The following EFCAB7 variants were observed in gnomAD, a reference collection of about 807,000 sequenced individuals.
EFCAB7 encodes EF-hand calcium binding domain 7, also known as EF-hand calcium-binding domain-containing protein 7.
In EFCAB7, 66 loss-of-function variants were observed where a neutral mutation model predicts 77.1. That is an observed-to-expected ratio of 0.86 (90% CI 0.70 to 1.05). The LOEUF is 1.05. Ranked by LOEUF, EFCAB7 falls within the 50% of genes least tolerant of loss-of-function variation. The pLI is 0.00. For missense variants in EFCAB7, 638 were observed against 730.5 expected (o/e 0.87, Z 1.46); for synonymous variants, 225 against 243.3 (o/e 0.92, Z 0.70).
chr1:63,548,198 G>A (rs1228525626), intron 7 of EFCAB7: 1 of 152,216 alleles, frequency 6.6e-6, no homozygotes, highest in African/African-American at 2.4e-5. Context: ...TAAAAGAACA[G>A]AGGCTAGAGT....
chr1:63,543,510 C>T (rs1211146794), intron 6 of EFCAB7, among the ~76,000 whole-genome samples: 2 of 152,042 alleles, frequency 1.3e-5, no homozygotes, highest in Admixed American at 1.3e-4. Flanking sequence ...GAAAGGATTA[C>T]ATGAAAATCT....
rs1647119602 is a variant in EFCAB7 at position 63,562,490 on chromosome 1, TATATAAAA to T, written c.1497+634_1497+641del. ...ATATATATATATATATATATATATATATATAAAACTTTTTTTTTTTTTAATTTGAGACA... is the reference window on the plus strand; with the variant it reads ...ATATATATATATATATATATATATATCTTTTTTTTTTTTTAATTTGAGACA... On this transcript the variant is annotated intron_variant, in intron 11 of 13. Transcript: ENST00000371088. 3.2e-5 allele frequency among the ~76,000 whole-genome samples: 3 copies of T among 94,544 alleles called. No individual in the cohort carries two copies. In the South Asian group the frequency reaches 9.4e-4, roughly 30 times the overall value. The allele number at this position is 94,544 out of a possible 152,430, so 62.0% of individuals were successfully genotyped here. A position where few individuals can be genotyped will look rare whatever the true frequency, so the allele number is the denominator to read the frequency against.
At chr1:63,558,909 G>T (rs1437610248) in intron 10 of EFCAB7, among the ~76,000 whole-genome samples, 1 of 151,766 alleles carries the variant, frequency 6.6e-6, no homozygotes, top group Non-Finnish European at 1.5e-5. Flanking sequence ...CAGGCTGGGT[G>T]CTGTGGCTCA....
rs188129121 is a variant in EFCAB7, at chr1:63,551,679, G to T, written c.947-46G>T. The T allele has an allele frequency of 4.6e-3, 4,027 of 881,804 alleles. 12 individuals are homozygous for T. The highest frequency in any genetic ancestry group is 6.1e-3 in the Non-Finnish European group (3,648 of 599,642). 54.6% of individuals were successfully genotyped at this position (881,804 alleles called of 1,614,324 possible). ...TTTTTTATATAGGAAAGAATAGATA[G>T]TGATTGCTTATTTTAAGGTGTTTGG... On this transcript the variant is annotated intron_variant, in intron 7 of 13. Transcript: ENST00000371088.
chr1:63,524,317 T>C (rs1229901792), intron 1 of EFCAB7, among the ~76,000 whole-genome samples: 1 of 152,242 alleles, frequency 6.6e-6, no homozygotes, highest in Non-Finnish European at 1.5e-5. Context: ...TTAATTATAG[T>C]ATTACCAATT....
chr1:63,583,452 C>T, the EFCAB7 span, among the ~76,000 whole-genome samples: 4 of 152,092 alleles, frequency 2.6e-5, no homozygotes, highest in African/African-American at 9.7e-5. Context: ...AGTAAGCGAC[C>T]ACCTTTTACA....
chr1:63,555,991 A>G (rs1309134008), intron 9 of EFCAB7, among the ~76,000 whole-genome samples: 3 of 152,042 alleles, frequency 2.0e-5, no homozygotes, highest in Non-Finnish European at 2.9e-5. Flanking sequence ...TCCTGCCTCA[A>G]CCTTTCAAAG....
At chr1:63,577,609 G>A (rs1361999354), downstream of EFCAB7, among the ~76,000 whole-genome samples, 4 of 152,130 alleles carry the variant, frequency 2.6e-5, no homozygotes, top group Non-Finnish European at 2.9e-5. Flanking sequence ...GAGTAGACTA[G>A]GCTAGGGAAT....
At chr1:63,564,207 T>A (rs1647143668) in intron 11 of EFCAB7, among the ~76,000 whole-genome samples, 1 of 152,180 alleles carries the variant, frequency 6.6e-6, no homozygotes, top group Non-Finnish European at 1.5e-5. Context: ...TGTTAATAAT[T>A]TTACAATGAA....
chr1:63,572,701 G>A (rs1647301709), downstream of EFCAB7: 1 of 961,602 alleles, frequency 1.0e-6, no homozygotes, highest in East Asian at 4.9e-5. Context: ...TCATTGTGTG[G>A]TGTTCTTATT....
At chr1:63,577,863 T>C in the EFCAB7 span, among the ~76,000 whole-genome samples, 1 of 152,218 alleles carries the variant, frequency 6.6e-6, no homozygotes, top group East Asian at 1.9e-4. Context: ...TAGATGAAAG[T>C]AGATGAAAAT....
At chr1:63,574,817 A>G (rs954457634), downstream of EFCAB7, among the ~76,000 whole-genome samples, 8 of 152,228 alleles carry the variant, frequency 5.3e-5, no homozygotes, top group African/African-American at 1.9e-4. Flanking sequence ...GTCAGTATAA[A>G]TATTGACGCG....
At chr1:63,584,566 A>G in the EFCAB7 span, among the ~76,000 whole-genome samples, 1 of 152,090 alleles carries the variant, frequency 6.6e-6, no homozygotes, top group Admixed American at 6.6e-5. Context: ...AAAGAAAAAA[A>G]TTACAGTGTA....
At chr1:63,537,682 T>C (rs913505101) in intron 6 of EFCAB7, among the ~76,000 whole-genome samples, 1 of 152,198 alleles carries the variant, frequency 6.6e-6, no homozygotes, top group African/African-American at 2.4e-5. Flanking sequence ...ATTTTTTAAG[T>C]ATGTATAGTT....
the EFCAB7 span, among the ~76,000 whole-genome samples, chr1:63,579,708 C>G: frequency 6.6e-6 from 1 of 152,074 alleles, no homozygotes; most frequent in African/African-American, 2.4e-5. Context: ...TATCAGTACT[C>G]GGTATTGTCT....
At chr1:63,557,028 A>G in intron 9 of EFCAB7, 86 bp from the exon 10 acceptor site, 1 of 1,124,778 alleles carries the variant, frequency 8.9e-7, no homozygotes, top group Non-Finnish European at 1.2e-6. Flanking sequence ...ACAGAGTGAG[A>G]CTCCGTCTCA....
At chr1:63,548,010 C>A (rs931094632) in intron 7 of EFCAB7, 4 of 152,222 alleles carry the variant, frequency 2.6e-5, no homozygotes, top group Non-Finnish European at 5.9e-5. Flanking sequence ...AGTCACATTG[C>A]AAAAGGCTGT....
At chr1:63,532,126 T>A (rs1190360086) in intron 3 of EFCAB7, 95 bp downstream of exon 3, 8 of 878,354 alleles carry the variant, frequency 9.1e-6, no homozygotes, top group Non-Finnish European at 1.4e-5. Flanking sequence ...AAATAAGTAT[T>A]TCATTGAGAG....
intron 1 of EFCAB7, among the ~76,000 whole-genome samples, chr1:63,525,347 A>G (rs1646569085): frequency 6.6e-6 from 1 of 152,166 alleles, no homozygotes; most frequent in African/African-American, 2.4e-5. Context: ...ATTAACTGCC[A>G]AAGGCTTATT....
Sources: gnomAD v4.1 joint callset for allele counts (sites outside exome capture counted in the v4.1 genomes callset) on GRCh38, gnomAD v4.1.1 for gene constraint, MANE v1.5 for transcripts, NCBI Gene and HGNC (gene_info 2026-07-23, HGNC 2026-07-21) for gene names.